Variants in CHIA observed in about 807,000 individuals in gnomAD.
CHIA encodes the protein chitinase acidic.
A neutral mutation model predicts 53.5 loss-of-function variants in CHIA; 47 were observed. That is an observed-to-expected ratio of 0.88 (90% CI 0.70 to 1.12). CHIA has a LOEUF of 1.12. Among genes scored for constraint, CHIA ranks in the 50% most tolerant of loss-of-function variants. The pLI is 0.00. For synonymous variants in CHIA, 268 were observed against 222.2 expected (o/e 1.21, Z -1.83); for missense variants, 652 against 592.2 (o/e 1.10, Z -1.05).
At position 111,318,086 on chromosome 1, in the gene CHIA, G is replaced by A. The variant is rs768261424; in HGVS notation, c.706G>A (p.Gly236Ser). Reference sequence around the variant, plus strand: ...CCTCTACAAATACCCGACTGACACCGGCAGCAACGCCTACCTCAATGTGGT... The same window carrying A: ...CCTCTACAAATACCCGACTGACACCAGCAGCAACGCCTACCTCAATGTGGT... ...SPLYKYPTDTGSNAYLNVDYV... is the reference protein window; with the variant it reads ...SPLYKYPTDTSSNAYLNVDYV... The change falls in exon 8 of 12, where the codon GGC (glycine) becomes AGC (serine). Residue 236 changes from glycine to serine, a missense_variant. By Grantham distance (56) the Gly-to-Ser change is moderately conservative. Transcript: ENST00000369740. 9.3e-6 allele frequency: 15 copies of A among 1,613,024 alleles called. No homozygotes were observed. The highest frequency in any genetic ancestry group is 4.0e-5 in the African/African-American group (3 of 74,872).
intron 1 of CHIA, among the ~76,000 whole-genome samples, chr1:111,306,176 T>C (rs1571280709): frequency 6.6e-6 from 1 of 152,288 alleles, no homozygotes; most frequent in South Asian, 2.1e-4. Context: ...GTAATTCCAA[T>C]CAAAATTCCA....
chr1:111,312,158 A>T (rs1386277606), intron 3 of CHIA, 32 bp from the exon 4 acceptor site: 2 of 1,577,294 alleles, frequency 1.3e-6, no homozygotes, highest in Non-Finnish European at 1.7e-6. Flanking sequence ...ATCCTAAACC[A>T]GGCCATTGTC....
Position 111,312,345 on chromosome 1 carries a change from T to C in CHIA, c.211T>C (p.Trp71Arg). ...GAACAACGAGATCACCACCATCGAA[T>C]GGAATGATGTGACTCTCTACCAAGC... is the stretch of plus-strand genomic sequence containing the variant. ...RQNNEITTIEWNDVTLYQAFN... is the reference protein window; with the variant it reads ...RQNNEITTIERNDVTLYQAFN... Residue 71 changes from tryptophan to arginine, a missense_variant, in exon 4 of 12, where the codon TGG becomes CGG. Coordinates refer to ENST00000369740, the MANE Select transcript of CHIA (RefSeq NM_201653.4). 1.9e-6 allele frequency: 3 copies of C among 1,614,146 alleles called. No homozygotes were observed. Among genetic ancestry groups the C allele is most frequent in the Non-Finnish European group, 2.5e-6 (3 of 1,180,020 alleles).
chr1:111,308,401 T>G (rs1247764204), intron 1 of CHIA, among the ~76,000 whole-genome samples: 1 of 152,244 alleles, frequency 6.6e-6, no homozygotes, highest in Non-Finnish European at 1.5e-5. Context: ...TCAGTTTAAC[T>G]TGGGCCAAAA....
intron 4 of CHIA, among the ~76,000 whole-genome samples, chr1:111,313,673 TG>T (rs1648890654): frequency 6.6e-6 from 1 of 152,240 alleles, no homozygotes; most frequent in African/African-American, 2.4e-5. Context: ...TGTCTATTTT[TG>T]CTTTTGTTGC....
Position 111,311,703 on chromosome 1 carries a change from C to T in CHIA, c.40C>T (p.Leu14=). ...TTTCTATCCAGGTCTTGTCCTTATA[C>T]TGAATTTGCAGCTCGGTAAGTCATG... The part of the protein sequence containing the change: ...LILLTGLVLI[L]NLQLGSAYQL... Residue 14 remains leucine (L), a synonymous_variant, in exon 3 of 12, where the codon CTG becomes TTG. Transcript: ENST00000369740. The T allele has an allele frequency of 1.2e-6, 2 of 1,613,920 alleles. No individual in the cohort carries two copies. Among genetic ancestry groups the T allele is most frequent in the African/African-American group, 1.3e-5 (1 of 74,980 alleles).
intron 6 of CHIA, chr1:111,315,704 A>G (rs1298154706): frequency 5.7e-6 from 3 of 526,662 alleles, no homozygotes; most frequent in Non-Finnish European, 1.1e-5. Flanking sequence ...TGGCATACAT[A>G]CTATAAGTGT....
At chr1:111,295,849 T>A (rs1427804906) in intron 1 of CHIA, among the ~76,000 whole-genome samples, 1 of 152,208 alleles carries the variant, frequency 6.6e-6, no homozygotes, top group African/African-American at 2.4e-5. Context: ...ATCGGGACAC[T>A]CCCACCCAAA....
intron 1 of CHIA, among the ~76,000 whole-genome samples, chr1:111,296,221 CA>C (rs905851813): frequency 7.9e-5 from 12 of 152,218 alleles, no homozygotes; most frequent in African/African-American, 2.9e-4. Context: ...TCTCCCAGCA[CA>C]GTGTTTGAGC....
At position 111,318,651 on chromosome 1, in the gene CHIA, G is replaced by A. The variant is rs1323489778; in HGVS notation, c.888G>A (p.Lys296=). Residue 296 remains lysine (K), a synonymous_variant, in exon 9 of 12, where the codon AAG becomes AAA. Coordinates refer to ENST00000369740, the MANE Select transcript of CHIA (RefSeq NM_201653.4). ...SGAGPAGPYA[K]ESGIWAYYEI... ...CTGGTCCTGCTGGGCCCTATGCCAA[G>A]GAGTCTGGGATCTGGGCTTACTACG... 4.3e-6 allele frequency: 7 copies of A among 1,614,072 alleles called. No individual in the cohort carries two copies. In the South Asian group the frequency reaches 6.6e-5, roughly 15 times the overall value.
chr1:111,316,756 A>C (rs1649194942), intron 6 of CHIA: 1 of 152,192 alleles, frequency 6.6e-6, no homozygotes. Context: ...GTCTCCCAAG[A>C]CAGATTGTTT....
intron 1 of CHIA, among the ~76,000 whole-genome samples, chr1:111,294,740 A>G (rs1661236696): frequency 6.6e-6 from 1 of 152,156 alleles, no homozygotes; most frequent in African/African-American, 2.4e-5. Flanking sequence ...TGTTTTTATT[A>G]TGAGAGGGTA....
intron 1 of CHIA, among the ~76,000 whole-genome samples, chr1:111,294,465 C>T (rs1204545009): frequency 6.6e-6 from 1 of 152,022 alleles, no homozygotes; most frequent in Non-Finnish European, 1.5e-5. Context: ...GGTGTGGAAT[C>T]TTTAGGGTTT....
At chr1:111,318,751 C>T in intron 9 of CHIA, 73 bp downstream of exon 9, 6 of 1,471,760 alleles carry the variant, frequency 4.1e-6, no homozygotes, top group South Asian at 3.9e-5. Flanking sequence ...CTGCTGAAAT[C>T]TTGAATGTTC....
chr1:111,312,883 A>G (rs902578136), intron 4 of CHIA, among the ~76,000 whole-genome samples: 8 of 151,138 alleles, frequency 5.3e-5, no homozygotes, highest in Admixed American at 2.6e-4. Context: ...GATTCCACTT[A>G]TAAGTGAGAT....
chr1:111,302,266 A>G (rs1402475898), intron 1 of CHIA, among the ~76,000 whole-genome samples: 2 of 151,886 alleles, frequency 1.3e-5, no homozygotes, highest in African/African-American at 4.8e-5. Flanking sequence ...TCTGAGCGCC[A>G]GTCTTTATTA....
intron 1 of CHIA, among the ~76,000 whole-genome samples, chr1:111,299,389 C>A (rs1050090797): frequency 6.6e-6 from 1 of 152,170 alleles, no homozygotes; most frequent in African/African-American, 2.4e-5. Context: ...GCTTATCCAC[C>A]ACGATCAAGT....
At chr1:111,315,863 T>C (rs948644191) in intron 6 of CHIA, 1 of 456,142 alleles carries the variant, frequency 2.2e-6, no homozygotes, top group African/African-American at 2.0e-5. Flanking sequence ...AGGCTGCCCG[T>C]TATTACTGAG....
chr1:111,291,834 G>A lies in CHIA; in HGVS notation c.-69+884G>A, dbSNP rs867946026. Among the ~76,000 whole-genome samples, 20 of 151,052 alleles carry A rather than the reference G, an allele frequency of 1.3e-4. No homozygotes were observed. The East Asian group carries it at 2.8e-3, about 21-fold the overall frequency. On this transcript the variant is annotated intron_variant, in intron 1 of 11. Transcript: ENST00000369740. ...GCAACACACACTGGGGCCTGTCGGG[G>A]GGGGGTGGGGGTAGGGAAAGCATCA...
Sources: allele counts gnomAD v4.1 joint callset (sites outside exome capture counted in the v4.1 genomes callset), GRCh38; gene constraint gnomAD v4.1.1; transcripts MANE v1.5; gene names NCBI Gene and HGNC (gene_info 2026-07-23, HGNC 2026-07-21).